ATP8A2: variants seen among roughly 807,000 people sequenced by gnomAD.
ATP8A2 encodes the protein ATPase phospholipid transporting 8A2, also known as phospholipid-transporting ATPase IB.
A neutral mutation model predicts 165.6 loss-of-function variants in ATP8A2; 100 were observed. The observed-to-expected ratio is 0.60, with a 90% confidence interval of 0.51 to 0.71. The LOEUF (loss-of-function observed/expected upper bound fraction) is 0.71. Among genes scored for constraint, ATP8A2 ranks in the 30% least tolerant of loss-of-function variants. The pLI is 0.00. For synonymous variants in ATP8A2, 543 were observed against 548.8 expected (o/e 0.99, Z 0.15); for missense variants, 1,227 against 1,479.5 (o/e 0.83, Z 2.80).
chr13:25,520,765 C>G, intron 2 of ATP8A2, among the ~76,000 whole-genome samples: 1 of 151,414 alleles, frequency 6.6e-6, no homozygotes. Context: ...CCACACCTGG[C>G]TAATTTTTTG....
intron 27 of ATP8A2, among the ~76,000 whole-genome samples, chr13:25,799,213 G>A (rs2138444784): frequency 6.6e-6 from 1 of 152,276 alleles, no homozygotes; most frequent in Non-Finnish European, 1.5e-5. Context: ...GAAGGAACTA[G>A]GATGATAAGG....
chr13:25,969,265 A>G (rs1418452086), intron 35 of ATP8A2, among the ~76,000 whole-genome samples: 1 of 151,894 alleles, frequency 6.6e-6, no homozygotes, highest in Non-Finnish European at 1.5e-5. Flanking sequence ...CCCACAAGGA[A>G]CAGCTGGGTC....
At chr13:25,588,059 T>C (rs2039971754) in intron 23 of ATP8A2, among the ~76,000 whole-genome samples, 1 of 152,242 alleles carries the variant, frequency 6.6e-6, no homozygotes, top group African/African-American at 2.4e-5. Context: ...CAATATGTGT[T>C]TGTTTTAACA....
Position 25,579,896 on chromosome 13 carries a change from A to G in ATP8A2, c.1956A>G (p.Ile652Met), listed in dbSNP as rs1292232028. The G allele has an allele frequency of 1.7e-5, 27 of 1,613,982 alleles. No individual in the cohort carries two copies. The highest frequency in any genetic ancestry group is 2.2e-5 in the East Asian group (1 of 44,860). ...WLKVYQEASTILKDRAQRLEE... is the reference protein window; with the variant it reads ...WLKVYQEASTMLKDRAQRLEE... ...AAGTCTATCAGGAAGCCAGCACCAT[A>G]TTGAAGGACAGAGCTCAACGGTTGG... is the stretch of plus-strand genomic sequence containing the variant. The change falls in exon 22 of 37, where the codon ATA becomes ATG. Residue 652 changes from isoleucine to methionine, a missense_variant. Ile to Met is a conservative substitution (Grantham distance 10, BLOSUM62 1). Transcript: ENST00000381655.
intron 25 of ATP8A2, among the ~76,000 whole-genome samples, chr13:25,724,586 C>T (rs1316869882): frequency 6.6e-6 from 1 of 152,220 alleles, no homozygotes; most frequent in African/African-American, 2.4e-5. Flanking sequence ...CAAAAATACC[C>T]AGTGGCCTCA....
intron 35 of ATP8A2, among the ~76,000 whole-genome samples, chr13:25,973,485 A>G (rs2139224644): frequency 6.6e-6 from 1 of 152,288 alleles, no homozygotes; most frequent in African/African-American, 2.4e-5. Flanking sequence ...ACAGAGCCTG[A>G]ACCACAGCAG....
chr13:25,501,172 G>T (rs1256956341), intron 2 of ATP8A2, among the ~76,000 whole-genome samples: 3 of 152,174 alleles, frequency 2.0e-5, no homozygotes, highest in African/African-American at 7.2e-5. Context: ...ATCGAGTATG[G>T]TAAGACCTGC....
At chr13:25,621,808 C>T (rs2040975534) in intron 24 of ATP8A2, among the ~76,000 whole-genome samples, 1 of 152,130 alleles carries the variant, frequency 6.6e-6, no homozygotes, top group South Asian at 2.1e-4. Flanking sequence ...CCTTTAAAAT[C>T]CACAGTGAGC....
chr13:25,399,543 A>T (rs9319218), intron 1 of ATP8A2, among the ~76,000 whole-genome samples: 13 of 93,770 alleles, frequency 1.4e-4, no homozygotes, highest in Admixed American at 1.2e-3. Flanking sequence ...GGACTACAGG[A>T]GCCCGCCACC....
intron 27 of ATP8A2, among the ~76,000 whole-genome samples, chr13:25,783,104 A>AT (rs954037471): frequency 6.6e-5 from 10 of 151,548 alleles, no homozygotes; most frequent in African/African-American, 1.2e-4. Flanking sequence ...TTTCCTGAAT[A>AT]TTTTTTTTTC....
chr13:25,539,088 T>TGTGCGC (rs535587512), intron 7 of ATP8A2, among the ~76,000 whole-genome samples: 1 of 150,830 alleles, frequency 6.6e-6, no homozygotes, highest in South Asian at 2.1e-4. Flanking sequence ...TGTGTGTGTG[T>TGTGCGC]GTGTGTGTGT....
intron 33 of ATP8A2, chr13:25,868,204 C>T: frequency 6.8e-6 from 3 of 440,752 alleles, no homozygotes; most frequent in South Asian, 4.9e-5. Flanking sequence ...TTATTATACT[C>T]AAAGTTACAG....
At chr13:25,774,151 A>G (rs964254607) in intron 26 of ATP8A2, among the ~76,000 whole-genome samples, 1 of 151,870 alleles carries the variant, frequency 6.6e-6, no homozygotes. Context: ...AAAGACATGG[A>G]ATCAACCCAA....
intron 24 of ATP8A2, among the ~76,000 whole-genome samples, chr13:25,608,007 A>T (rs754605622): frequency 5.3e-5 from 8 of 152,238 alleles, no homozygotes; most frequent in Non-Finnish European, 1.2e-4. Context: ...CATGTGAAAG[A>T]GAATCCTCAG....
rs529691574 is a variant in ATP8A2, at chr13:25,591,729, T to A, written c.2211+2030T>A. On this transcript the variant is annotated intron_variant, in intron 24 of 36. Coordinates refer to ENST00000381655, the MANE Select transcript of ATP8A2 (RefSeq NM_016529.6). ...TCCTGAGTAGCTGGGATTACAGGCA[T>A]GCGCCACCATGCCTGGCTAATTTTT... 2.6e-5 allele frequency among the ~76,000 whole-genome samples: 4 copies of A among 152,122 alleles called. No individual in the cohort carries two copies. In the East Asian group the frequency reaches 7.8e-4, roughly 30 times the overall value.
At chr13:25,687,220 T>TGTTTGCTAGGTGCTAG (rs1478192322) in intron 24 of ATP8A2, among the ~76,000 whole-genome samples, 5 of 152,188 alleles carry the variant, frequency 3.3e-5, no homozygotes, top group African/African-American at 4.8e-5. Context: ...CAGCACCTGC[T>TGTTTGCTAGGTGCTAG]GTTTGCTAGG....
chr13:25,565,281 T>G (rs940725430), intron 16 of ATP8A2, among the ~76,000 whole-genome samples: 12 of 152,172 alleles, frequency 7.9e-5, no homozygotes, highest in African/African-American at 2.9e-4. Context: ...TAGTTCTACT[T>G]TTAGTTCTGT....
chr13:25,422,830 C>A (rs1038016763), intron 1 of ATP8A2, among the ~76,000 whole-genome samples: 2 of 152,192 alleles, frequency 1.3e-5, no homozygotes, highest in Admixed American at 1.3e-4. Flanking sequence ...AAGAGTGCTA[C>A]CTGTCTGAGG....
intron 25 of ATP8A2, among the ~76,000 whole-genome samples, chr13:25,759,996 C>T (rs747713616): frequency 1.3e-5 from 2 of 152,126 alleles, no homozygotes; most frequent in Non-Finnish European, 2.9e-5. Context: ...AAATTCTGAA[C>T]CCCCAAGCAA....
Sources: allele counts gnomAD v4.1 joint callset (sites outside exome capture counted in the v4.1 genomes callset), GRCh38; gene constraint gnomAD v4.1.1; transcripts MANE v1.5; gene names NCBI Gene and HGNC (gene_info 2026-07-23, HGNC 2026-07-21).